Variants in PLCB1 observed in about 807,000 individuals in gnomAD.
PLCB1 encodes phospholipase C beta 1, also known as 1-phosphatidylinositol 4,5-bisphosphate phosphodiesterase beta-1.
PLCB1 carries 46 observed loss-of-function variants against 161.8 expected under a neutral mutation model. That is an observed-to-expected ratio of 0.28 (90% CI 0.22 to 0.36). PLCB1 has a LOEUF of 0.36. Ranked by LOEUF, PLCB1 falls within the 10% of genes least tolerant of loss-of-function variation. The pLI, the probability that PLCB1 is intolerant of heterozygous loss-of-function variation, is 1.00. For synonymous variants in PLCB1, 517 were observed against 503.7 expected (o/e 1.03, Z -0.35); for missense variants, 1,016 against 1,472.5 (o/e 0.69, Z 5.07).
chr20:8,651,271 T>C (rs987178853), intron 7 of PLCB1: 1 of 577,188 alleles, frequency 1.7e-6, no homozygotes, highest in East Asian at 2.8e-5. Flanking sequence ...GATTGAATTA[T>C]AAAAGTATTG....
intron 3 of PLCB1, among the ~76,000 whole-genome samples, chr20:8,522,610 C>A (rs944593579): frequency 1.3e-5 from 2 of 152,100 alleles, no homozygotes; most frequent in African/African-American, 4.8e-5. Flanking sequence ...ATGAAACAGT[C>A]TCCTGTGCAA....
Position 8,790,032 on chromosome 20 carries a change from C to T in PLCB1, c.3337-143C>T, listed in dbSNP as rs45440602. Reference sequence around the variant, plus strand: ...CTAGCTTCAACACTTACTACAGTTTCCTATACTTGTAAGTGTAGTTCTTGA... The same window carrying T: ...CTAGCTTCAACACTTACTACAGTTTTCTATACTTGTAAGTGTAGTTCTTGA... On this transcript the variant is annotated intron_variant, in intron 30 of 31. Transcript: ENST00000338037. 5,079 of 620,294 alleles carry T rather than the reference C, an allele frequency of 8.2e-3. 94 individuals carry two copies. Among genetic ancestry groups the T allele is most frequent in the African/African-American group, 0.058 (3,117 of 53,908 alleles). The allele number at this position is 620,294 out of a possible 1,614,324, so 38.4% of individuals were successfully genotyped here. A position where few individuals can be genotyped will look rare whatever the true frequency, so the allele number is the denominator to read the frequency against.
intron 3 of PLCB1, among the ~76,000 whole-genome samples, chr20:8,410,499 T>A (rs1480572520): frequency 1.3e-5 from 2 of 152,046 alleles, no homozygotes; most frequent in East Asian, 3.9e-4. Flanking sequence ...ATCCTTTTAT[T>A]ATTAAATTAA....
chr20:8,268,428 C>T (rs193148542), intron 2 of PLCB1, among the ~76,000 whole-genome samples: 167 of 152,236 alleles, frequency 1.1e-3, no homozygotes, highest in Admixed American at 4.4e-3. Context: ...AGTAAACATA[C>T]GTGTGCATGT....
chr20:8,302,466 G>C (rs970136108), intron 2 of PLCB1, among the ~76,000 whole-genome samples: 4 of 152,170 alleles, frequency 2.6e-5, no homozygotes, highest in Non-Finnish European at 4.4e-5. Context: ...AATTTAAACA[G>C]GCTCGATTGC....
At chr20:8,446,101 C>CA (rs773679024) in intron 3 of PLCB1, among the ~76,000 whole-genome samples, 9,785 of 151,290 alleles carry the variant, frequency 0.065, 424 homozygotes, top group Middle Eastern at 0.12. Flanking sequence ...AGAGACACAG[C>CA]AAAAAAAAGA....
intron 2 of PLCB1, among the ~76,000 whole-genome samples, chr20:8,219,857 A>T (rs73897338): frequency 0.014 from 2,163 of 152,288 alleles, 58 homozygotes; most frequent in African/African-American, 0.048. Context: ...TTGATATATT[A>T]TTATTTATAA....
chr20:8,283,527 G>A (rs1402119024), intron 2 of PLCB1, among the ~76,000 whole-genome samples: 2 of 150,130 alleles, frequency 1.3e-5, no homozygotes, highest in Admixed American at 1.3e-4. Context: ...TTTAATGGCT[G>A]CATAGTATCA....
rs1818168605 is a variant in PLCB1 at position 8,529,862 on chromosome 20, T to C, written c.247-98432T>C. Among the ~76,000 whole-genome samples the C allele has an allele frequency of 4.6e-5, 7 of 152,120 alleles. No homozygotes were observed. The South Asian group carries it at 1.4e-3, about 31-fold the overall frequency. On this transcript the variant is annotated intron_variant, in intron 3 of 31. Transcript: ENST00000338037. ...AGTGCACATGATTTCAAGAGTTCTG[T>C]AACTCTTGGAGTATAACAAGGACTA...
chr20:8,482,303 C>T (rs532859352), intron 3 of PLCB1, among the ~76,000 whole-genome samples: 40 of 152,008 alleles, frequency 2.6e-4, no homozygotes, highest in Middle Eastern at 3.4e-3. Context: ...GGGGTTTCAC[C>T]ACGTTGGGCA....
chr20:8,467,815 C>T (rs886351983), intron 3 of PLCB1, among the ~76,000 whole-genome samples: 2 of 152,164 alleles, frequency 1.3e-5, no homozygotes, highest in African/African-American at 2.4e-5. Context: ...GTGATTGACA[C>T]ATCCAAGGCT....
At chr20:8,739,471 G>T in intron 21 of PLCB1, 111 bp downstream of exon 21, 3 of 713,572 alleles carry the variant, frequency 4.2e-6, no homozygotes, top group Non-Finnish European at 5.0e-6. Flanking sequence ...TTGTAATTTT[G>T]TTATGTAACA....
At chr20:8,579,278 G>A (rs1023321834) in intron 3 of PLCB1, among the ~76,000 whole-genome samples, 2 of 152,218 alleles carry the variant, frequency 1.3e-5, no homozygotes, top group Non-Finnish European at 2.9e-5. Context: ...CCATGAGAAG[G>A]ATAGGCCCAG....
chr20:8,590,243 C>G (rs1367838376), intron 3 of PLCB1, among the ~76,000 whole-genome samples: 5 of 152,080 alleles, frequency 3.3e-5, no homozygotes, highest in Non-Finnish European at 5.9e-5. Flanking sequence ...AAGGAAATTC[C>G]CAGCACAATG....
intron 3 of PLCB1, among the ~76,000 whole-genome samples, chr20:8,389,612 G>A (rs1164625180): frequency 6.6e-6 from 1 of 152,142 alleles, no homozygotes; most frequent in Non-Finnish European, 1.5e-5. Context: ...ACATGCAATG[G>A]TACATAGTTG....
intron 3 of PLCB1, among the ~76,000 whole-genome samples, chr20:8,405,820 TTTA>T (rs1978762358): frequency 6.6e-6 from 1 of 152,180 alleles, no homozygotes; most frequent in Admixed American, 6.5e-5. Flanking sequence ...CTTCCTACTT[TTTA>T]TTATTATCCA....
At chr20:8,626,809 A>G (rs1174290104) in intron 3 of PLCB1, among the ~76,000 whole-genome samples, 6 of 152,218 alleles carry the variant, frequency 3.9e-5, no homozygotes, top group South Asian at 4.1e-4. Flanking sequence ...CCTTGTCTCA[A>G]TGGTGTTCAA....
At chr20:8,744,497 A>G (rs912681942) in intron 23 of PLCB1, among the ~76,000 whole-genome samples, 15 of 151,928 alleles carry the variant, frequency 9.9e-5, no homozygotes, top group African/African-American at 3.4e-4. Context: ...AATCCCAGCT[A>G]CTCGGGAGCC....
At chr20:8,293,463 A>G (rs929002283) in intron 2 of PLCB1, among the ~76,000 whole-genome samples, 9 of 152,106 alleles carry the variant, frequency 5.9e-5, no homozygotes, top group Non-Finnish European at 1.0e-4. Flanking sequence ...AGAGTAAAAA[A>G]ATTTAACAAA....
Sources: gnomAD v4.1 joint callset for allele counts (sites outside exome capture counted in the v4.1 genomes callset) on GRCh38, gnomAD v4.1.1 for gene constraint, MANE v1.5 for transcripts, NCBI Gene and HGNC (gene_info 2026-07-23, HGNC 2026-07-21) for gene names.